The following SLC39A9 variants were observed in gnomAD, a reference collection of about 807,000 sequenced individuals.
SLC39A9 encodes the protein solute carrier family 39 member 9.
A neutral mutation model predicts 28.4 loss-of-function variants in SLC39A9; 14 were observed. The observed-to-expected ratio is 0.49, with a 90% confidence interval of 0.33 to 0.77. The LOEUF is 0.77. SLC39A9 is among the 30% of genes least tolerant of loss of function. The probability of loss-of-function intolerance (pLI) is 0.02; values close to 1 mark genes in which losing one functional copy is unlikely to be tolerated. For synonymous variants in SLC39A9, 119 were observed against 149.6 expected (o/e 0.80, Z 1.49); for missense variants, 283 against 381.1 (o/e 0.74, Z 2.14).
chr14:69,449,356 A>G (rs567728080), intron 3 of SLC39A9, among the ~76,000 whole-genome samples: 66 of 152,198 alleles, frequency 4.3e-4, no homozygotes, highest in African/African-American at 1.5e-3. Flanking sequence ...GAGCATGGTG[A>G]CTCACGCCTG....
chr14:69,419,709 G>A (rs1278921896), intron 1 of SLC39A9, among the ~76,000 whole-genome samples: 2 of 152,126 alleles, frequency 1.3e-5, no homozygotes, highest in Non-Finnish European at 2.9e-5. Context: ...TATATGTTTA[G>A]GATAGTTAGC....
chr14:69,424,414 GT>G (rs1323006542), intron 2 of SLC39A9, among the ~76,000 whole-genome samples: 1 of 152,062 alleles, frequency 6.6e-6, no homozygotes, highest in African/African-American at 2.4e-5. Flanking sequence ...ACCACTTAAT[GT>G]TTATTTGCCA....
chr14:69,425,654 G>A (rs887254151), intron 2 of SLC39A9, among the ~76,000 whole-genome samples: 1 of 151,280 alleles, frequency 6.6e-6, no homozygotes, highest in African/African-American at 2.4e-5. Flanking sequence ...ATAGTTGGGG[G>A]TTTTGGGTTT....
intron 1 of SLC39A9, among the ~76,000 whole-genome samples, chr14:69,404,977 A>G (rs532193248): frequency 2.0e-5 from 3 of 152,328 alleles, no homozygotes; most frequent in Non-Finnish European, 2.9e-5. Flanking sequence ...ACTTACAATC[A>G]TGGCAGAAGA....
intron 2 of SLC39A9, 71 bp downstream of exon 2, chr14:69,424,273 T>A: frequency 8.7e-7 from 1 of 1,150,968 alleles, no homozygotes; most frequent in Non-Finnish European, 1.3e-6. Context: ...AGCTTAGTGG[T>A]ATGTTTTCTG....
intron 1 of SLC39A9, among the ~76,000 whole-genome samples, chr14:69,407,689 A>G (rs541505036): frequency 1.4e-4 from 20 of 147,998 alleles, no homozygotes; most frequent in African/African-American, 4.5e-4. Context: ...CCCAGGCTGG[A>G]GTGCAATGGC....
intron 2 of SLC39A9, chr14:69,428,576 G>A (rs938906471): frequency 1.3e-5 from 2 of 152,620 alleles, no homozygotes; most frequent in Non-Finnish European, 2.9e-5. Context: ...CAAAACAGTT[G>A]TGCCCAGATC....
chr14:69,404,227 A>G (rs12884741), intron 1 of SLC39A9, among the ~76,000 whole-genome samples: 8,471 of 152,240 alleles, frequency 0.056, 326 homozygotes, highest in East Asian at 0.094. Context: ...TACTCCCTAA[A>G]ATAACCAACA....
intron 1 of SLC39A9, among the ~76,000 whole-genome samples, chr14:69,405,268 G>A (rs142064145): frequency 1.3e-3 from 199 of 152,240 alleles, no homozygotes; most frequent in African/African-American, 4.3e-3. Context: ...TGAGTTACCC[G>A]CAAATCAAAG....
At chr14:69,451,856 C>T (rs1885625310) in intron 3 of SLC39A9, among the ~76,000 whole-genome samples, 1 of 152,154 alleles carries the variant, frequency 6.6e-6, no homozygotes, top group Admixed American at 6.5e-5. Flanking sequence ...CCTGGGACTA[C>T]AGGCATGCAC....
rs149924905 is a variant in SLC39A9, at chr14:69,453,112, G to A, written c.404-129G>A. Reference sequence around the variant, plus strand: ...AACACTTTGGGAGGGTGAGGCGGGCGGATCATTGGAGGTCAGGAGTTTGAG... The same window carrying A: ...AACACTTTGGGAGGGTGAGGCGGGCAGATCATTGGAGGTCAGGAGTTTGAG... On this transcript the variant is annotated intron_variant, in intron 3 of 6. Transcript: ENST00000336643. The A allele has an allele frequency of 9.7e-4, 653 of 675,192 alleles. 3 individuals are homozygous for A. In the African/African-American group the frequency reaches 0.01, roughly 11 times the overall value. The allele number at this position is 675,192 out of a possible 1,614,324, so 41.8% of individuals were successfully genotyped here. A position where few individuals can be genotyped will look rare whatever the true frequency, so the allele number is the denominator to read the frequency against.
chr14:69,422,360 A>G (rs1384841540), intron 1 of SLC39A9, among the ~76,000 whole-genome samples: 1 of 152,298 alleles, frequency 6.6e-6, no homozygotes, highest in East Asian at 1.9e-4. Context: ...TATCTGGGAC[A>G]ACAGGTACGT....
In SLC39A9 at chr14:69,442,106, T is replaced by A. The variant is rs1448876004; in HGVS notation, c.243T>A (p.Ile81=). The change falls in exon 3 of 7, where the codon ATT becomes ATA. Residue 81 remains isoleucine (I), a synonymous_variant. Coordinates refer to ENST00000336643, the MANE Select transcript of SLC39A9 (RefSeq NM_018375.5). The stretch of plus-strand genomic sequence containing the variant: ...AAGCAAGTGAAACACATAATGTGAT[T>A]GCATCAGACAAAGCAGCAGAAAAAT... The part of the protein sequence containing the change: ...HHQASETHNV[I]ASDKAAEKSV... 6.2e-7 allele frequency: 1 copy of A among 1,614,124 alleles called. No homozygotes were observed. The highest frequency in any genetic ancestry group is 8.5e-7 in the Non-Finnish European group (1 of 1,180,040).
At chr14:69,438,275 C>T (rs1021694075) in intron 2 of SLC39A9, among the ~76,000 whole-genome samples, 5 of 152,196 alleles carry the variant, frequency 3.3e-5, no homozygotes, top group African/African-American at 1.2e-4. Flanking sequence ...CCTGCCTTGG[C>T]CGCCCAAAGT....
intron 1 of SLC39A9, among the ~76,000 whole-genome samples, chr14:69,421,259 A>C (rs1029995669): frequency 6.6e-6 from 1 of 152,182 alleles, no homozygotes; most frequent in African/African-American, 2.4e-5. Flanking sequence ...CAGGTCCCTC[A>C]GCTGCAGGTC....
chr14:69,426,655 C>T (rs544866235), intron 2 of SLC39A9, among the ~76,000 whole-genome samples: 43 of 152,184 alleles, frequency 2.8e-4, no homozygotes, highest in Non-Finnish European at 5.4e-4. Context: ...GGTTTAGGAT[C>T]GTACCCTCTC....
chr14:69,458,264 C>T (rs961051148), intron 6 of SLC39A9, 99 bp from the exon 7 acceptor site: 1 of 1,467,904 alleles, frequency 6.8e-7, no homozygotes, highest in Non-Finnish European at 9.2e-7. Context: ...TCCTAGACAG[C>T]ACCAGTTAAG....
At chr14:69,423,674 G>A (rs1157869035) in intron 1 of SLC39A9, among the ~76,000 whole-genome samples, 2 of 152,118 alleles carry the variant, frequency 1.3e-5, no homozygotes, top group African/African-American at 4.8e-5. Flanking sequence ...GAAGCGGGCG[G>A]ATCACCTGAG....
chr14:69,460,185 A>G lies in SLC39A9; in HGVS notation c.*1592A>G. 1 of 985,860 alleles carries G rather than the reference A, an allele frequency of 1.0e-6. No individual in the cohort carries two copies. Among genetic ancestry groups the G allele is most frequent in the African/African-American group, 1.7e-5 (1 of 57,370 alleles). 61.1% of individuals were successfully genotyped at this position (985,860 alleles called of 1,614,324 possible). A position where few individuals can be genotyped will look rare whatever the true frequency, so the allele number is the denominator to read the frequency against. ...GAACCAAGACTAGTTTCTTCAGGGC[A>G]GTGGACGTAGTAGTTTGTAAAAACG... On this transcript the variant is annotated 3_prime_UTR_variant, in exon 7 of 7. Coordinates refer to ENST00000336643, the MANE Select transcript of SLC39A9 (RefSeq NM_018375.5).
Sources: gnomAD v4.1 joint callset for allele counts (sites outside exome capture counted in the v4.1 genomes callset) on GRCh38, gnomAD v4.1.1 for gene constraint, MANE v1.5 for transcripts, NCBI Gene and HGNC (gene_info 2026-07-23, HGNC 2026-07-21) for gene names.